ARL13B: variants seen among roughly 807,000 people sequenced by gnomAD.
ARL13B encodes ARF like GTPase 13B.
In ARL13B, 36 loss-of-function variants were observed where a neutral mutation model predicts 56.1. The observed-to-expected ratio is 0.64, with a 90% CI of 0.49 to 0.85. The LOEUF is 0.85. Among genes scored for constraint, ARL13B ranks in the 40% least tolerant of loss-of-function variants. ARL13B has a pLI of 0.00. For synonymous variants in ARL13B, 178 were observed against 171.1 expected (o/e 1.04, Z -0.32); for missense variants, 519 against 507.1 (o/e 1.02, Z -0.23).
At chr3:93,984,686 A>G (rs1710365439) in intron 1 of ARL13B, among the ~76,000 whole-genome samples, 1 of 152,122 alleles carries the variant, frequency 6.6e-6, no homozygotes, top group Non-Finnish European at 1.5e-5. Context: ...CATTTGTTAT[A>G]TTTTCAACTT....
At chr3:94,029,344 T>TTTTA (rs2076628783) in intron 3 of ARL13B, among the ~76,000 whole-genome samples, 1 of 102,562 alleles carries the variant, frequency 9.8e-6, no homozygotes. Flanking sequence ...ATTTATTTTT[T>TTTTA]TTTTATTTTT....
chr3:93,981,420 C>T (rs1710209513), intron 1 of ARL13B, among the ~76,000 whole-genome samples: 1 of 151,592 alleles, frequency 6.6e-6, no homozygotes, highest in Non-Finnish European at 1.5e-5. Flanking sequence ...TGAGAATGAA[C>T]TATCCTTTAA....
intron 3 of ARL13B, among the ~76,000 whole-genome samples, chr3:94,010,995 A>C (rs1202364622): frequency 3.9e-5 from 6 of 152,056 alleles, no homozygotes; most frequent in Non-Finnish European, 8.8e-5. Flanking sequence ...TCATCTTTTA[A>C]GTTTATCTTT....
chr3:94,036,796 A>T, intron 5 of ARL13B, 42 bp downstream of exon 5: 1 of 1,564,130 alleles, frequency 6.4e-7, no homozygotes, highest in Non-Finnish European at 8.7e-7. Flanking sequence ...TTGAAGGATC[A>T]AAAACATAAC....
At chr3:94,028,239 C>T (rs927319848) in intron 3 of ARL13B, 8 of 152,136 alleles carry the variant, frequency 5.3e-5, no homozygotes, top group Non-Finnish European at 7.4e-5. Context: ...ACTGGTACCC[C>T]GGTCCAAATC....
At chr3:93,996,517 C>CTTTT in intron 2 of ARL13B, 1 of 234,934 alleles carries the variant, frequency 4.3e-6, no homozygotes, top group Admixed American at 4.6e-5. Flanking sequence ...GGCTAGTCTT[C>CTTTT]TTTTTTTTTT....
chr3:94,049,314 TA>T, intron 7 of ARL13B, 91 bp from the exon 8 acceptor site: 2 of 698,216 alleles, frequency 2.9e-6, no homozygotes, highest in Non-Finnish European at 4.9e-6. Flanking sequence ...TTTTTGTTAA[TA>T]ATATCAGTAT....
rs766774994 is a variant in ARL13B at position 93,980,327 on chromosome 3, T to C, written c.-97T>C. On this transcript the variant is annotated 5_prime_UTR_variant, in exon 1 of 10. Coordinates refer to ENST00000394222, the MANE Select transcript of ARL13B (RefSeq NM_001174150.2). ...GCTTTTCCTCCCGACTTATCCACTT[T>C]AGGGGCGTCTCGGAGTGCCGGAGGC... 3.3e-6 allele frequency: 5 copies of C among 1,499,030 alleles called. No individual in the cohort carries two copies. The highest frequency in any genetic ancestry group is 2.2e-5 in the South Asian group (2 of 88,924). 92.9% of individuals were successfully genotyped at this position (1,499,030 alleles called of 1,614,324 possible).
At chr3:94,021,960 T>C (rs1365259140) in intron 3 of ARL13B, among the ~76,000 whole-genome samples, 1 of 152,012 alleles carries the variant, frequency 6.6e-6, no homozygotes. Context: ...TCTAAAGATA[T>C]ATATCTGACC....
At position 94,054,575 on chromosome 3, in the gene ARL13B, A is replaced by G. The variant is rs1290371370; in HGVS notation, c.*1312A>G. 1 of 398,430 alleles carries G rather than the reference A, an allele frequency of 2.5e-6. No individual in the cohort carries two copies. Among genetic ancestry groups the G allele is most frequent in the East Asian group, 7.5e-5 (1 of 13,258 alleles). The allele number at this position is 398,430 out of a possible 1,614,324, so 24.7% of individuals were successfully genotyped here. ...GCTTTTGGTAACTTGTACTGACACAACAGACATGTGCTAGTATCTGATAAC... is the reference window on the plus strand; with the variant it reads ...GCTTTTGGTAACTTGTACTGACACAGCAGACATGTGCTAGTATCTGATAAC... On this transcript the variant is annotated 3_prime_UTR_variant, in exon 10 of 10. Coordinates refer to ENST00000394222, the MANE Select transcript of ARL13B (RefSeq NM_001174150.2).
At chr3:94,042,415 G>GAAAT (rs999308109) in intron 6 of ARL13B, among the ~76,000 whole-genome samples, 113 of 152,176 alleles carry the variant, frequency 7.4e-4, no homozygotes, top group African/African-American at 2.7e-3. Context: ...TGAAAAATTG[G>GAAAT]AAATACTTTG....
At chr3:94,025,457 A>G (rs2076536575) in intron 3 of ARL13B, among the ~76,000 whole-genome samples, 1 of 152,110 alleles carries the variant, frequency 6.6e-6, no homozygotes, top group African/African-American at 2.4e-5. Context: ...ACATTTAGAG[A>G]ATATTTATGT....
chr3:93,997,758 G>T (rs2075991528), intron 2 of ARL13B, among the ~76,000 whole-genome samples: 1 of 152,150 alleles, frequency 6.6e-6, no homozygotes, highest in Non-Finnish European at 1.5e-5. Context: ...AGGCCGAGGT[G>T]GGCAGATCAC....
At chr3:94,038,515 CTTTTTTTTTTTTTTTTT>C (rs761909057) in intron 5 of ARL13B, among the ~76,000 whole-genome samples, 8 of 54,456 alleles carry the variant, frequency 1.5e-4, no homozygotes, top group Admixed American at 8.0e-4. Context: ...TCTGGCTGCT[CTTTTTTTTTTTTTTTTT>C]TTTTTTTTGA....
At chr3:94,029,388 C>T (rs1249763519) in intron 3 of ARL13B, among the ~76,000 whole-genome samples, 2 of 128,012 alleles carry the variant, frequency 1.6e-5, no homozygotes, top group Non-Finnish European at 3.1e-5. Flanking sequence ...GCTCTTGTAG[C>T]CCAGGCTGGA....
At chr3:94,046,312 C>T (rs2076983795) in intron 7 of ARL13B, among the ~76,000 whole-genome samples, 1 of 152,078 alleles carries the variant, frequency 6.6e-6, no homozygotes, top group Admixed American at 6.6e-5. Context: ...TCCTGGCAAT[C>T]ACTGATCTGC....
chr3:94,014,671 G>A (rs367550619), intron 3 of ARL13B: 8 of 1,613,380 alleles, frequency 5.0e-6, no homozygotes, highest in African/African-American at 2.7e-5. Flanking sequence ...ATTGATTTCT[G>A]TAAGTAAGCT....
intron 3 of ARL13B, among the ~76,000 whole-genome samples, chr3:94,019,776 C>G (rs2106989204): frequency 6.6e-6 from 1 of 152,314 alleles, no homozygotes; most frequent in East Asian, 1.9e-4. Flanking sequence ...ACAACTCTCC[C>G]TTTCTCTGCT....
chr3:94,009,078 T>C (rs186683281), intron 3 of ARL13B, among the ~76,000 whole-genome samples: 1 of 121,230 alleles, frequency 8.2e-6, no homozygotes, highest in East Asian at 2.2e-4. Context: ...GCAGTAAAGA[T>C]AGATAGATAG....
Sources: gnomAD v4.1 joint callset for allele counts (sites outside exome capture counted in the v4.1 genomes callset) on GRCh38, gnomAD v4.1.1 for gene constraint, MANE v1.5 for transcripts, NCBI Gene and HGNC (gene_info 2026-07-23, HGNC 2026-07-21) for gene names.